Variants in CTNNA3 observed in about 807,000 individuals in gnomAD.
CTNNA3 encodes catenin alpha-3.
A neutral mutation model predicts 95.7 loss-of-function variants in CTNNA3; 76 were observed. The ratio of observed to expected loss-of-function variants is 0.79; its 90% CI spans 0.66 to 0.96. CTNNA3 has a LOEUF of 0.96. Among genes scored for constraint, CTNNA3 ranks in the 40% least tolerant of loss-of-function variants. The pLI is 0.00. For missense variants in CTNNA3, 1,191 were observed against 1,089.8 expected (o/e 1.09, Z -1.31); for synonymous variants, 431 against 374.4 (o/e 1.15, Z -1.74).
intron 7 of CTNNA3, among the ~76,000 whole-genome samples, chr10:66,957,415 CAT>C (rs549686922): frequency 0.079 from 2,569 of 32,500 alleles, 132 homozygotes; most frequent in African/African-American, 0.32. Flanking sequence ...TATATATATG[CAT>C]ATATATATAT....
At chr10:66,247,376 G>A (rs956376172) in intron 13 of CTNNA3, among the ~76,000 whole-genome samples, 3 of 152,254 alleles carry the variant, frequency 2.0e-5, no homozygotes, top group South Asian at 2.1e-4. Context: ...CTATCCTGAA[G>A]AGAAGGACAC....
intron 5 of CTNNA3, among the ~76,000 whole-genome samples, chr10:67,277,142 C>T (rs1190315076): frequency 1.3e-5 from 2 of 152,150 alleles, no homozygotes; most frequent in African/African-American, 4.8e-5. Context: ...TGCTGATCAT[C>T]ACTCTACTTT....
chr10:67,137,185 C>T (rs1243796266), intron 7 of CTNNA3, among the ~76,000 whole-genome samples: 5 of 152,090 alleles, frequency 3.3e-5, no homozygotes, highest in African/African-American at 1.2e-4. Context: ...CAGAGATGAT[C>T]GCTCTGAGGG....
At chr10:67,176,007 A>G (rs1862223938) in intron 7 of CTNNA3, among the ~76,000 whole-genome samples, 1 of 152,202 alleles carries the variant, frequency 6.6e-6, no homozygotes, top group Admixed American at 6.6e-5. Flanking sequence ...TCATAGAGAT[A>G]TAACAAAATC....
chr10:66,619,456 C>T (rs1250914549), intron 10 of CTNNA3, among the ~76,000 whole-genome samples: 2 of 115,498 alleles, frequency 1.7e-5, no homozygotes, highest in African/African-American at 5.9e-5. Flanking sequence ...CAAACTGTCG[C>T]AAGGACAAAA....
At chr10:66,700,852 G>A (rs1378031947) in intron 9 of CTNNA3, among the ~76,000 whole-genome samples, 1 of 152,164 alleles carries the variant, frequency 6.6e-6, no homozygotes, top group Non-Finnish European at 1.5e-5. Flanking sequence ...AGCAGGAGCT[G>A]TATATTCTCA....
chr10:66,673,526 A>C (rs1846738918), intron 9 of CTNNA3, among the ~76,000 whole-genome samples: 1 of 152,080 alleles, frequency 6.6e-6, no homozygotes, highest in African/African-American at 2.4e-5. Flanking sequence ...TCCAATACTG[A>C]AATTTTTCTT....
chr10:67,064,161 A>G (rs1369369845), intron 7 of CTNNA3, among the ~76,000 whole-genome samples: 1 of 152,132 alleles, frequency 6.6e-6, no homozygotes, highest in Non-Finnish European at 1.5e-5. Context: ...TATGATAACT[A>G]CTTATCTTTC....
In CTNNA3 at chr10:67,303,811, G is replaced by T. The variant is rs145246861; in HGVS notation, c.580-83941C>A. 7.5e-4 allele frequency among the ~76,000 whole-genome samples: 114 copies of T among 151,984 alleles called. 1 individual carries two copies. The highest frequency in any genetic ancestry group is 2.7e-3 in the African/African-American group (110 of 41,430). On this transcript the variant is annotated intron_variant, in intron 5 of 17. Coordinates refer to ENST00000433211, the MANE Select transcript of CTNNA3 (RefSeq NM_013266.4). ...TTAAGTCTCTCCTTGTTTCCATGCC[G>T]CATCTGCTAAGTGAGGATCTAACCT... is the stretch of plus-strand genomic sequence containing the variant.
intron 7 of CTNNA3, among the ~76,000 whole-genome samples, chr10:66,876,917 T>C (rs1844647463): frequency 1.3e-5 from 2 of 152,126 alleles, no homozygotes; most frequent in Non-Finnish European, 2.9e-5. Context: ...AACCTTTGCT[T>C]TCCTCAAGAA....
intron 2 of CTNNA3, among the ~76,000 whole-genome samples, chr10:67,639,431 G>A (rs1223429709): frequency 1.3e-5 from 2 of 152,126 alleles, no homozygotes; most frequent in Non-Finnish European, 2.9e-5. Context: ...AGAGGTATGA[G>A]GAGGAGCTGG....
chr10:66,692,561 T>C (rs1034504005), intron 9 of CTNNA3, among the ~76,000 whole-genome samples: 3 of 152,120 alleles, frequency 2.0e-5, no homozygotes, highest in South Asian at 4.2e-4. Context: ...CAGAAGAACT[T>C]CCCCAATCTA....
Position 66,747,401 on chromosome 10 carries a change from T to C in CTNNA3, c.1281+18863A>G, listed in dbSNP as rs1249558690. Among the ~76,000 whole-genome samples, 2 of 152,174 alleles carry C rather than the reference T, an allele frequency of 1.3e-5. 1 individual carries two copies. The highest frequency in any genetic ancestry group is 2.9e-5 in the Non-Finnish European group (2 of 68,026). On this transcript the variant is annotated intron_variant, in intron 9 of 17. Coordinates refer to ENST00000433211, the MANE Select transcript of CTNNA3 (RefSeq NM_013266.4). ...TGCCTTTAAATAATGATCACAACCATGGAAATCTTGAGACCTGTCTAGCTC... is the reference window on the plus strand; with the variant it reads ...TGCCTTTAAATAATGATCACAACCACGGAAATCTTGAGACCTGTCTAGCTC...
At chr10:66,997,816 C>T (rs905738213) in intron 7 of CTNNA3, among the ~76,000 whole-genome samples, 2 of 152,122 alleles carry the variant, frequency 1.3e-5, no homozygotes, top group African/African-American at 2.4e-5. Context: ...AGTGGCTCAA[C>T]TATCCACAAA....
chr10:66,908,940 A>G (rs972764541), intron 7 of CTNNA3, among the ~76,000 whole-genome samples: 1 of 152,222 alleles, frequency 6.6e-6, no homozygotes, highest in African/African-American at 2.4e-5. Flanking sequence ...CACATGGTAG[A>G]CATATGAGGA....
intron 14 of CTNNA3, among the ~76,000 whole-genome samples, chr10:66,095,225 A>C (rs571675514): frequency 6.6e-6 from 1 of 152,166 alleles, no homozygotes; most frequent in Non-Finnish European, 1.5e-5. Context: ...TATAGGGCTT[A>C]TATGAGAACT....
chr10:67,642,261 G>A (rs1208214443), intron 2 of CTNNA3, among the ~76,000 whole-genome samples: 1 of 151,986 alleles, frequency 6.6e-6, no homozygotes, highest in Admixed American at 6.5e-5. Context: ...CCTACAGAAT[G>A]GGAGAAAATT....
At chr10:67,344,765 CA>C (rs1842350381) in intron 5 of CTNNA3, among the ~76,000 whole-genome samples, 1 of 151,790 alleles carries the variant, frequency 6.6e-6, no homozygotes, top group Non-Finnish European at 1.5e-5. Flanking sequence ...AAAGGTTTGT[CA>C]ATTTTGTTTA....
chr10:67,432,584 C>T (rs947115955), intron 5 of CTNNA3, among the ~76,000 whole-genome samples: 2 of 152,008 alleles, frequency 1.3e-5, no homozygotes, highest in Non-Finnish European at 2.9e-5. Flanking sequence ...ATCACTTTCT[C>T]CTCTATGTGC....
Sources: allele counts gnomAD v4.1 joint callset (sites outside exome capture counted in the v4.1 genomes callset), GRCh38; gene constraint gnomAD v4.1.1; transcripts MANE v1.5; gene names NCBI Gene and HGNC (gene_info 2026-07-23, HGNC 2026-07-21).